FDFT1: variants seen among roughly 807,000 people sequenced by gnomAD.
FDFT1 encodes squalene synthase.
FDFT1 carries 68 observed loss-of-function variants against 46.8 expected under a neutral mutation model. The observed-to-expected ratio is 1.45, with a 90% CI of 1.19 to 1.78. FDFT1 has a LOEUF of 1.78. Ranked by LOEUF, FDFT1 falls within the 40% of genes most tolerant of loss-of-function variation. FDFT1 has a pLI of 0.00. For missense variants in FDFT1, 928 were observed against 524.4 expected (o/e 1.77, Z -7.52); for synonymous variants, 351 against 185.1 (o/e 1.90, Z -7.28).
chr8:11,800,069 G>T (rs1805953882), upstream of FDFT1, among the ~76,000 whole-genome samples: 3 of 149,576 alleles, frequency 2.0e-5, no homozygotes, highest in South Asian at 6.3e-4. Context: ...AGACCAGTCT[G>T]GCCAACATGG....
Position 11,837,935 on chromosome 8 carries a change from TC to T in FDFT1, c.1033-451del, listed in dbSNP as rs1398300991. On this transcript the variant is annotated intron_variant, in intron 7 of 7. Transcript: ENST00000220584. ...GGTTCATACGGCTCCCTGCTTCTGT[TC>T]CTGTCCCCCTTTGTCAAGCTGTGGT... Among the ~76,000 whole-genome samples, 10 of 152,302 alleles carry T rather than the reference TC, an allele frequency of 6.6e-5. No individual in the cohort carries two copies. The East Asian group carries it at 1.7e-3, about 26-fold the overall frequency.
intron 1 of FDFT1, among the ~76,000 whole-genome samples, chr8:11,805,453 C>A (rs116360080): frequency 1.3e-5 from 2 of 152,206 alleles, no homozygotes; most frequent in Non-Finnish European, 2.9e-5. Context: ...GCAGATCTGG[C>A]TCCTGTCCAA....
chr8:11,808,589 G>A (rs1430364039), intron 1 of FDFT1: 3 of 1,383,594 alleles, frequency 2.2e-6, no homozygotes, highest in East Asian at 2.9e-5. Flanking sequence ...GTCCCGCCGC[G>A]GCGCCCAGGG....
intron 1 of FDFT1, among the ~76,000 whole-genome samples, chr8:11,805,068 C>G (rs1484466469): frequency 5.2e-5 from 7 of 135,848 alleles, no homozygotes; most frequent in African/African-American, 1.9e-4. Context: ...GCACGTGTCA[C>G]CAATGCATGG....
chr8:11,798,699 C>T (rs560548328), upstream of FDFT1, among the ~76,000 whole-genome samples: 2 of 152,190 alleles, frequency 1.3e-5, no homozygotes, highest in Non-Finnish European at 2.9e-5. Flanking sequence ...TAGGCACCAT[C>T]GTGTCCTATA....
chr8:11,830,802 TC>T (rs1810669567), intron 6 of FDFT1, among the ~76,000 whole-genome samples: 2 of 152,160 alleles, frequency 1.3e-5, no homozygotes, highest in Admixed American at 6.5e-5. Context: ...GCTGTCCTTT[TC>T]CTAGACCCGG....
At chr8:11,829,546 T>TGGA (rs1810483144) in intron 5 of FDFT1, among the ~76,000 whole-genome samples, 1 of 152,220 alleles carries the variant, frequency 6.6e-6, no homozygotes, top group African/African-American at 2.4e-5. Context: ...TTGAGAAGGT[T>TGGA]TACTGTTTAG....
chr8:11,809,647 T>C lies in FDFT1; in HGVS notation c.198-20T>C, dbSNP rs1247551174. The C allele has an allele frequency of 1.3e-6, 2 of 1,575,622 alleles. No individual in the cohort carries two copies. ...TTGGCTGTTTGTTCCAATATATTAA[T>C]AGTTTTCCCTTTTTTACAGCAACGC... On this transcript the variant is annotated intron_variant, in intron 2 of 7. Coordinates refer to ENST00000220584, the MANE Select transcript of FDFT1 (RefSeq NM_004462.5).
At chr8:11,806,071 G>A (rs751746418) in intron 1 of FDFT1, among the ~76,000 whole-genome samples, 1 of 152,146 alleles carries the variant, frequency 6.6e-6, no homozygotes, top group Non-Finnish European at 1.5e-5. Flanking sequence ...AGTGAGGAAG[G>A]CTCCGTGGAG....
At chr8:11,807,067 C>G (rs1806944319) in intron 1 of FDFT1, among the ~76,000 whole-genome samples, 1 of 149,844 alleles carries the variant, frequency 6.7e-6, no homozygotes, top group Non-Finnish European at 1.5e-5. Flanking sequence ...CCACCAGAGC[C>G]CAGGGTTCAC....
intron 1 of FDFT1, chr8:11,803,242 G>C: frequency 1.4e-6 from 2 of 1,379,898 alleles, no homozygotes; most frequent in African/African-American, 1.5e-5. Flanking sequence ...TAACCCGAGG[G>C]TTACACATCT....
chr8:11,831,421 A>C, intron 6 of FDFT1, 97 bp from the exon 7 acceptor site: 1 of 1,008,430 alleles, frequency 9.9e-7, no homozygotes, highest in Admixed American at 2.0e-5. Context: ...AGCAGTTAGC[A>C]ATTGCCCATT....
chr8:11,815,520 C>A (rs908823240), intron 3 of FDFT1, among the ~76,000 whole-genome samples: 2 of 152,234 alleles, frequency 1.3e-5, no homozygotes, highest in East Asian at 3.9e-4. Context: ...TCCACATCCT[C>A]TCCAGCATCT....
At chr8:11,824,960 C>T (rs1017443805) in intron 4 of FDFT1, among the ~76,000 whole-genome samples, 2 of 152,058 alleles carry the variant, frequency 1.3e-5, no homozygotes, top group African/African-American at 2.4e-5. Context: ...TGGTCTTGAT[C>T]TCCTGATCTC....
chr8:11,826,474 T>C (rs550480959), intron 5 of FDFT1, among the ~76,000 whole-genome samples: 12 of 152,156 alleles, frequency 7.9e-5, no homozygotes, highest in Non-Finnish European at 1.6e-4. Flanking sequence ...AAGTGGTGGA[T>C]ATGGTAACAA....
At chr8:11,796,707 C>T (rs1199312352) in intron 1 of FDFT1, among the ~76,000 whole-genome samples, 2 of 152,164 alleles carry the variant, frequency 1.3e-5, no homozygotes, top group African/African-American at 4.8e-5. Flanking sequence ...GTGGTTGATT[C>T]TGAGTTGCAA....
chr8:11,820,920 G>A (rs560956658), intron 3 of FDFT1, among the ~76,000 whole-genome samples: 68 of 152,324 alleles, frequency 4.5e-4, no homozygotes, highest in African/African-American at 1.6e-3. Context: ...TACCTCAGTT[G>A]GAAATGCAGA....
At chr8:11,818,120 C>T (rs1416625850) in intron 3 of FDFT1, among the ~76,000 whole-genome samples, 2 of 152,044 alleles carry the variant, frequency 1.3e-5, no homozygotes, top group African/African-American at 4.8e-5. Context: ...CGTTATGTAC[C>T]CAGTAGTCAT....
intron 3 of FDFT1, among the ~76,000 whole-genome samples, chr8:11,819,067 G>C (rs1362948000): frequency 6.6e-6 from 1 of 152,164 alleles, no homozygotes; most frequent in Admixed American, 6.6e-5. Flanking sequence ...AAATCTCTGA[G>C]CATTTGCTTG....
Sources: gnomAD v4.1 joint callset for allele counts (sites outside exome capture counted in the v4.1 genomes callset) on GRCh38, gnomAD v4.1.1 for gene constraint, MANE v1.5 for transcripts, NCBI Gene and HGNC (gene_info 2026-07-23, HGNC 2026-07-21) for gene names.